PRLR: variants seen among roughly 807,000 people sequenced by gnomAD.
PRLR encodes prolactin receptor.
Under a neutral mutation model 40.2 loss-of-function variants are expected in PRLR, and 13 were observed. That is an observed-to-expected ratio of 0.32 (90% CI 0.21 to 0.51). The LOEUF is 0.51. Among genes scored for constraint, PRLR ranks in the 20% least tolerant of loss-of-function variants. PRLR has a pLI of 0.97. For synonymous variants in PRLR, 269 were observed against 278.7 expected, an observed-to-expected ratio of 0.97 and a Z score of 0.35; for missense variants, 656 against 747.3, an observed-to-expected ratio of 0.88 and a Z score of 1.42.
At chr5:35,199,528 G>A (rs1487222223) in intron 1 of PRLR, among the ~76,000 whole-genome samples, 1 of 151,920 alleles carries the variant, frequency 6.6e-6, no homozygotes, top group Non-Finnish European at 1.5e-5. Flanking sequence ...GTGAAATGTG[G>A]GAGAAATTCT....
chr5:35,192,227 G>T (rs115487406), intron 1 of PRLR, among the ~76,000 whole-genome samples: 1 of 152,110 alleles, frequency 6.6e-6, no homozygotes, highest in Admixed American at 6.5e-5. Flanking sequence ...ATGAGTGAAC[G>T]AATGACACAT....
At chr5:35,134,055 G>T (rs1203177497) in intron 1 of PRLR, among the ~76,000 whole-genome samples, 2 of 152,076 alleles carry the variant, frequency 1.3e-5, no homozygotes, top group Non-Finnish European at 2.9e-5. Context: ...AGGGGGTGAG[G>T]GATAAAAGAC....
At chr5:35,207,306 TTAAA>T (rs1005672912) in intron 1 of PRLR, among the ~76,000 whole-genome samples, 4 of 150,288 alleles carry the variant, frequency 2.7e-5, no homozygotes, top group African/African-American at 7.5e-5. Context: ...TTATAATCAG[TTAAA>T]TAATCAGATA....
At chr5:35,145,666 G>T (rs888216584) in intron 1 of PRLR, among the ~76,000 whole-genome samples, 1 of 152,160 alleles carries the variant, frequency 6.6e-6, no homozygotes, top group Non-Finnish European at 1.5e-5. Flanking sequence ...TAACACAGGG[G>T]TCTTAATTTA....
chr5:35,074,195 T>C (rs1769922441), intron 5 of PRLR, among the ~76,000 whole-genome samples: 1 of 152,168 alleles, frequency 6.6e-6, no homozygotes, highest in African/African-American at 2.4e-5. Context: ...GCACAGTGGC[T>C]TATGCCTGTA....
intron 2 of PRLR, among the ~76,000 whole-genome samples, chr5:35,106,624 C>G (rs1772271670): frequency 6.6e-6 from 1 of 152,060 alleles, no homozygotes; most frequent in African/African-American, 2.4e-5. Flanking sequence ...TCAAAAGAGA[C>G]AAAGAAGGCC....
intron 4 of PRLR, 144 bp from the exon 5 acceptor site, chr5:35,084,783 C>T (rs1770739809): frequency 9.8e-6 from 7 of 715,078 alleles, no homozygotes; most frequent in Non-Finnish European, 1.6e-5. Context: ...CCTTAGGCTT[C>T]CATGTTCTGC....
chr5:35,123,319 T>A (rs892012016), intron 1 of PRLR, among the ~76,000 whole-genome samples: 1 of 152,236 alleles, frequency 6.6e-6, no homozygotes, highest in Non-Finnish European at 1.5e-5. Flanking sequence ...AACACTTTAA[T>A]GCTTTATTTC....
chr5:35,178,166 T>A (rs1775199225), intron 1 of PRLR, among the ~76,000 whole-genome samples: 1 of 152,340 alleles, frequency 6.6e-6, no homozygotes, highest in South Asian at 2.1e-4. Flanking sequence ...AACTGGGTTA[T>A]CTTTTTATTA....
intron 2 of PRLR, among the ~76,000 whole-genome samples, chr5:35,101,571 C>A (rs1771879523): frequency 1.3e-5 from 2 of 152,156 alleles, no homozygotes; most frequent in East Asian, 1.9e-4. Flanking sequence ...ACTAGCAAGG[C>A]AATAATAATT....
chr5:35,110,167 T>C lies in PRLR; in HGVS notation c.-44+7894A>G, dbSNP rs185886205. On this transcript the variant is annotated intron_variant, in intron 2 of 9. Transcript: ENST00000618457. ...TCACTCACAGATGGGATTTGAACAATGAGAACAGTTGGACACAGGGTGGGG... is the reference window on the plus strand; with the variant it reads ...TCACTCACAGATGGGATTTGAACAACGAGAACAGTTGGACACAGGGTGGGG... 1.6e-4 allele frequency among the ~76,000 whole-genome samples: 25 copies of C among 151,992 alleles called. No individual in the cohort carries two copies. In the East Asian group the frequency reaches 4.5e-3, roughly 27 times the overall value.
At chr5:35,160,651 G>T (rs1397592436) in intron 1 of PRLR, among the ~76,000 whole-genome samples, 1 of 152,198 alleles carries the variant, frequency 6.6e-6, no homozygotes, top group East Asian at 1.9e-4. Context: ...CACTATTGCA[G>T]ATTGGCCTTT....
chr5:35,188,263 T>G (rs1775502814), intron 1 of PRLR, among the ~76,000 whole-genome samples: 1 of 152,238 alleles, frequency 6.6e-6, no homozygotes, highest in Non-Finnish European at 1.5e-5. Context: ...CCATCTGATT[T>G]GTTTAATCAT....
intron 1 of PRLR, among the ~76,000 whole-genome samples, chr5:35,196,130 A>T (rs1775729533): frequency 6.6e-6 from 1 of 152,118 alleles, no homozygotes; most frequent in Non-Finnish European, 1.5e-5. Context: ...ATTGGCAATG[A>T]TAAAGGCCAG....
At chr5:35,200,027 G>A (rs1442222666) in intron 1 of PRLR, among the ~76,000 whole-genome samples, 1 of 152,188 alleles carries the variant, frequency 6.6e-6, no homozygotes, top group Admixed American at 6.5e-5. Flanking sequence ...TCCAAGCCTT[G>A]AGTGGCTCTG....
chr5:35,141,391 A>G (rs572518498), intron 1 of PRLR, among the ~76,000 whole-genome samples: 3 of 152,188 alleles, frequency 2.0e-5, no homozygotes, highest in African/African-American at 7.2e-5. Flanking sequence ...AAGCACTATG[A>G]CATGGAAGGG....
At position 35,200,405 on chromosome 5, in the gene PRLR, G is replaced by A. The variant is rs143277532; in HGVS notation, c.-106+29863C>T. Among the ~76,000 whole-genome samples, 371 of 152,318 alleles carry A rather than the reference G, an allele frequency of 2.4e-3. 5 individuals carry two copies. Among genetic ancestry groups the A allele is most frequent in the East Asian group, 0.017 (88 of 5,188 alleles). On this transcript the variant is annotated intron_variant, in intron 1 of 9. Coordinates refer to ENST00000618457, the MANE Select transcript of PRLR (RefSeq NM_000949.7). ...CACTCTCAGAATACAAAAACTCTGA[G>A]GGCAGACTCAATCTACCTGGTTTGT...
intron 1 of PRLR, among the ~76,000 whole-genome samples, chr5:35,177,305 C>T (rs1432023640): frequency 1.3e-5 from 2 of 152,142 alleles, no homozygotes; most frequent in Non-Finnish European, 2.9e-5. Flanking sequence ...TCTCTCGTTC[C>T]ACCTTACGAG....
At chr5:35,052,112 AC>A (rs1170323466), downstream of PRLR, among the ~76,000 whole-genome samples, 1 of 152,186 alleles carries the variant, frequency 6.6e-6, no homozygotes, top group African/African-American at 2.4e-5. Context: ...GAAGATTTTA[AC>A]TTACTTATAA....
Sources: gnomAD v4.1 joint callset for allele counts (sites outside exome capture counted in the v4.1 genomes callset) on GRCh38, gnomAD v4.1.1 for gene constraint, MANE v1.5 for transcripts, NCBI Gene and HGNC (gene_info 2026-07-23, HGNC 2026-07-21) for gene names.